The following MED13L variants were observed in gnomAD, a reference collection of about 807,000 sequenced individuals.
MED13L encodes mediator of RNA polymerase II transcription subunit 13-like.
Under a neutral mutation model 220.9 loss-of-function variants are expected in MED13L, and 7 were observed. The ratio of observed to expected loss-of-function variants is 0.03; its 90% CI spans 0.02 to 0.06. The LOEUF (loss-of-function observed/expected upper bound fraction) is 0.06. Among genes scored for constraint, MED13L ranks in the 10% least tolerant of loss-of-function variants. MED13L has a pLI of 1.00. For synonymous variants in MED13L, 1,011 were observed against 1,015.2 expected, an observed-to-expected ratio of 1.00 and a Z score of 0.08; for missense variants, 1,965 against 2,760.5, an observed-to-expected ratio of 0.71 and a Z score of 6.46.
intron 4 of MED13L, among the ~76,000 whole-genome samples, chr12:116,059,779 T>C (rs914981317): frequency 3.3e-5 from 5 of 152,116 alleles, no homozygotes; most frequent in Admixed American, 2.0e-4. Flanking sequence ...TAAATACATA[T>C]GCTTTTAGAT....
chr12:115,968,579 T>C (rs1384154338), intron 28 of MED13L, among the ~76,000 whole-genome samples: 2 of 152,178 alleles, frequency 1.3e-5, no homozygotes, highest in Non-Finnish European at 2.9e-5. Flanking sequence ...AGTACGGTTG[T>C]TGTACTAATC....
chr12:116,096,651 A>G lies in MED13L; in HGVS notation c.479+18T>C, dbSNP rs200912170. ...AGGCCAAAGAAACCAAAAAGCCAAG[A>G]GCATTCTAAAGGCTCACCTTTTGTT... On this transcript the variant is annotated intron_variant, in intron 4 of 30. Coordinates refer to ENST00000281928, the MANE Select transcript of MED13L (RefSeq NM_015335.5). 1.2e-5 allele frequency: 20 copies of G among 1,609,212 alleles called. No homozygotes were observed. The highest frequency in any genetic ancestry group is 8.8e-5 in the South Asian group (8 of 90,992).
chr12:116,014,979 A>G (rs1015066940), intron 8 of MED13L, 130 bp downstream of exon 8: 6 of 870,218 alleles, frequency 6.9e-6, no homozygotes, highest in South Asian at 2.8e-5. Context: ...ATTAAATTCA[A>G]AAAGATGAAA....
At chr12:116,066,734 G>C (rs941457206) in intron 4 of MED13L, among the ~76,000 whole-genome samples, 1 of 149,252 alleles carries the variant, frequency 6.7e-6, no homozygotes, top group Non-Finnish European at 1.5e-5. Flanking sequence ...CCTAACTTGT[G>C]AATTTTCAAC....
Position 116,124,123 on chromosome 12 carries a change from C to CGAGAGAGAGAGAGAGAGAGAGAGA in MED13L, c.311-12635_311-12612dup, listed in dbSNP as rs58366115. 4.7e-3 allele frequency among the ~76,000 whole-genome samples: 620 copies of CGAGAGAGAGAGAGAGAGAGAGAGA among 133,220 alleles called. 11 individuals carry two copies. The highest frequency in any genetic ancestry group is 0.012 in the Middle Eastern group (3 of 256). 87.4% of individuals were successfully genotyped at this position (133,220 alleles called of 152,430 possible). A position where few individuals can be genotyped will look rare whatever the true frequency, so the allele number is the denominator to read the frequency against. On this transcript the variant is annotated intron_variant, in intron 2 of 30. Coordinates refer to ENST00000281928, the MANE Select transcript of MED13L (RefSeq NM_015335.5). ...ACATCTGCAGAGAGAGAGAGAAAGA[C>CGAGAGAGAGAGAGAGAGAGAGAGA]GAGAGAGAGAGAGAGAGAGAGAGAG...
intron 4 of MED13L, among the ~76,000 whole-genome samples, chr12:116,080,906 T>C (rs114143494): frequency 0.015 from 2,257 of 152,374 alleles, 42 homozygotes; most frequent in African/African-American, 0.041. Flanking sequence ...TAACTAGAAC[T>C]GTTAGGTATT....
intron 2 of MED13L, among the ~76,000 whole-genome samples, chr12:116,115,244 C>G (rs1037582243): frequency 2.0e-5 from 3 of 151,984 alleles, no homozygotes; most frequent in African/African-American, 7.2e-5. Context: ...AAAAATTGAG[C>G]CACAAATTCA....
At chr12:116,055,667 G>T (rs1414885497) in intron 4 of MED13L, among the ~76,000 whole-genome samples, 1 of 152,122 alleles carries the variant, frequency 6.6e-6, no homozygotes, top group African/African-American at 2.4e-5. Flanking sequence ...GGCTGAGGTG[G>T]GTGGATCACC....
chr12:116,167,276 T>C (rs1879351258), intron 2 of MED13L, among the ~76,000 whole-genome samples: 1 of 152,186 alleles, frequency 6.6e-6, no homozygotes, highest in Admixed American at 6.5e-5. Flanking sequence ...TAATATTATG[T>C]TTACAAATGA....
rs1880629112 is a variant in MED13L, at chr12:116,029,918, A to T, written c.480-7317T>A. Among the ~76,000 whole-genome samples the T allele has an allele frequency of 1.3e-5, 2 of 152,178 alleles. 1 individual carries two copies. Among genetic ancestry groups the T allele is most frequent in the South Asian group, 4.1e-4 (2 of 4,828 alleles). On this transcript the variant is annotated intron_variant, in intron 4 of 30. Transcript: ENST00000281928. ...AACAAGACACAAGACATCATTTCAAAGAAATGATGATATACAGTCTACATA... is the reference window on the plus strand; with the variant it reads ...AACAAGACACAAGACATCATTTCAATGAAATGATGATATACAGTCTACATA...
intron 23 of MED13L, among the ~76,000 whole-genome samples, chr12:115,977,278 G>A (rs190517234): frequency 7.2e-4 from 109 of 152,304 alleles, no homozygotes; most frequent in Admixed American, 4.7e-3. Flanking sequence ...GGCAGTAACA[G>A]AATGACACAA....
chr12:116,120,851 T>G (rs568523727), intron 2 of MED13L, among the ~76,000 whole-genome samples: 1 of 152,174 alleles, frequency 6.6e-6, no homozygotes, highest in South Asian at 2.1e-4. Flanking sequence ...AGTCTAATTA[T>G]GCATAATGGG....
chr12:116,031,949 T>C (rs73396983), intron 4 of MED13L, among the ~76,000 whole-genome samples: 455 of 152,130 alleles, frequency 3.0e-3, no homozygotes, highest in African/African-American at 0.011. Context: ...GGTTGGTAGA[T>C]ACAAGTTCAA....
At chr12:116,120,740 C>T (rs1347070318) in intron 2 of MED13L, among the ~76,000 whole-genome samples, 1 of 151,988 alleles carries the variant, frequency 6.6e-6, no homozygotes, top group African/African-American at 2.4e-5. Flanking sequence ...GGAAAAAAAG[C>T]CTTTCTAATT....
chr12:116,277,011 C>CG (rs1565964170), intron 1 of MED13L, 49 bp downstream of exon 1: 1 of 933,620 alleles, frequency 1.1e-6, no homozygotes, highest in Admixed American at 2.7e-5. Context: ...AGGTCGGGGA[C>CG]CCCCCCCCTT....
At chr12:116,120,477 TCACACACACACACACACACA>T (rs1158069310) in intron 2 of MED13L, among the ~76,000 whole-genome samples, 2 of 79,426 alleles carry the variant, frequency 2.5e-5, no homozygotes, top group African/African-American at 5.1e-5. Flanking sequence ...TCTCTCTCTC[TCACACACACACACACACACA>T]CACACACACA....
chr12:116,239,090 C>A (rs1870370655), intron 1 of MED13L, among the ~76,000 whole-genome samples: 1 of 151,992 alleles, frequency 6.6e-6, no homozygotes, highest in Non-Finnish European at 1.5e-5. Context: ...CCACAGCACT[C>A]CAGCCAGGGT....
chr12:116,229,783 A>C (rs1869374711), intron 2 of MED13L, among the ~76,000 whole-genome samples: 1 of 152,324 alleles, frequency 6.6e-6, no homozygotes, highest in South Asian at 2.1e-4. Context: ...CAAGTATATA[A>C]TTACACATTA....
intron 9 of MED13L, among the ~76,000 whole-genome samples, chr12:116,012,273 C>T (rs1879457357): frequency 6.6e-6 from 1 of 151,906 alleles, no homozygotes; most frequent in Admixed American, 6.6e-5. Flanking sequence ...AAATTTTCTA[C>T]AAAAAAAGCA....
Sources: allele counts gnomAD v4.1 joint callset (sites outside exome capture counted in the v4.1 genomes callset), GRCh38; gene constraint gnomAD v4.1.1; transcripts MANE v1.5; gene names NCBI Gene and HGNC (gene_info 2026-07-23, HGNC 2026-07-21).